Variants in RBFOX1 observed in about 807,000 individuals in gnomAD.
RBFOX1 encodes the protein RNA binding protein fox-1 homolog 1.
A neutral mutation model predicts 57.7 loss-of-function variants in RBFOX1; 8 were observed. The observed-to-expected ratio is 0.14, with a 90% confidence interval of 0.08 to 0.25. The LOEUF is 0.25. Among genes scored for constraint, RBFOX1 ranks in the 10% least tolerant of loss-of-function variants. The probability of loss-of-function intolerance (pLI) is 1.00; values close to 1 mark genes in which losing one functional copy is unlikely to be tolerated. For synonymous variants in RBFOX1, 326 were observed against 222.4 expected, an observed-to-expected ratio of 1.47 and a Z score of -4.15; for missense variants, 611 against 548.5, an observed-to-expected ratio of 1.11 and a Z score of -1.14.
At chr16:7,422,239 C>G (rs140111433) in intron 4 of RBFOX1, among the ~76,000 whole-genome samples, 19 of 152,100 alleles carry the variant, frequency 1.2e-4, no homozygotes, top group Non-Finnish European at 1.8e-4. Context: ...CTGTTAGGCA[C>G]GGCACTCAGA....
intron 2 of RBFOX1, among the ~76,000 whole-genome samples, chr16:6,444,296 G>T (rs2094442841): frequency 6.6e-6 from 1 of 152,008 alleles, no homozygotes; most frequent in East Asian, 1.9e-4. Flanking sequence ...GGACGCCCAA[G>T]GGCTCCAAAA....
intron 1 of RBFOX1, among the ~76,000 whole-genome samples, chr16:6,096,293 G>T (rs74004734): frequency 0.032 from 4,895 of 152,294 alleles, 253 homozygotes; most frequent in African/African-American, 0.11. Context: ...AAACGAAGAT[G>T]AAATTTTCAA....
intron 1 of RBFOX1, among the ~76,000 whole-genome samples, chr16:6,124,851 C>T (rs531062043): frequency 6.6e-6 from 1 of 152,084 alleles, no homozygotes. Context: ...TTAATACATC[C>T]AATTATTTTT....
chr16:6,197,861 C>G (rs981681216), intron 1 of RBFOX1, among the ~76,000 whole-genome samples: 1 of 152,010 alleles, frequency 6.6e-6, no homozygotes, highest in Non-Finnish European at 1.5e-5. Context: ...CATGAGTTTC[C>G]ATCATTTAGC....
At chr16:6,553,506 C>G (rs912494120) in intron 2 of RBFOX1, among the ~76,000 whole-genome samples, 2 of 152,202 alleles carry the variant, frequency 1.3e-5, no homozygotes, top group East Asian at 1.9e-4. Context: ...CCAATCCACA[C>G]AAGTACATGC....
chr16:7,328,980 G>T (rs985907136), intron 4 of RBFOX1, among the ~76,000 whole-genome samples: 1 of 152,106 alleles, frequency 6.6e-6, no homozygotes, highest in Non-Finnish European at 1.5e-5. Flanking sequence ...TTTAAAAAAA[G>T]AATAATATTT....
intron 4 of RBFOX1, among the ~76,000 whole-genome samples, chr16:7,338,986 C>A (rs763613332): frequency 6.6e-6 from 1 of 152,212 alleles, no homozygotes; most frequent in African/African-American, 2.4e-5. Context: ...GCTGCTCCAT[C>A]TTAGTCACTA....
chr16:5,419,808 A>G (rs538908452), intron 1 of RBFOX1, among the ~76,000 whole-genome samples: 6 of 152,124 alleles, frequency 3.9e-5, no homozygotes, highest in Admixed American at 2.6e-4. Flanking sequence ...GGAGGGGCTC[A>G]AAGTGCTGCT....
rs562111845 is a variant in RBFOX1, at chr16:7,222,099, T to C, written c.27+170001T>C. On this transcript the variant is annotated intron_variant, in intron 4 of 15. Coordinates refer to ENST00000550418, the MANE Select transcript of RBFOX1 (RefSeq NM_018723.4). ...TCTGTGTCACTGCTTCCAGCTGATA[T>C]TATAAAAGGCAGTGGTGAGGATTTC... is the stretch of plus-strand genomic sequence containing the variant. 5.9e-5 allele frequency among the ~76,000 whole-genome samples: 9 copies of C among 152,276 alleles called. No individual in the cohort carries two copies. In the South Asian group the frequency reaches 1.0e-3, roughly 18 times the overall value.
intron 3 of RBFOX1, among the ~76,000 whole-genome samples, chr16:5,789,564 A>G (rs1265393476): frequency 1.3e-5 from 2 of 152,244 alleles, no homozygotes; most frequent in African/African-American, 4.8e-5. Flanking sequence ...CATCACTAGT[A>G]CTGGCACTAG....
chr16:7,551,487 A>G (rs1350699023), intron 5 of RBFOX1, among the ~76,000 whole-genome samples: 1 of 152,210 alleles, frequency 6.6e-6, no homozygotes, highest in Admixed American at 6.5e-5. Flanking sequence ...CTGGAGAGAC[A>G]GTAGTGATCC....
At chr16:6,740,977 T>C (rs1440061565) in intron 3 of RBFOX1, among the ~76,000 whole-genome samples, 19 of 152,190 alleles carry the variant, frequency 1.2e-4, no homozygotes. Flanking sequence ...AGACGTTATG[T>C]AACTCCAGTC....
chr16:6,854,894 G>T (rs565854820), intron 3 of RBFOX1, among the ~76,000 whole-genome samples: 2 of 151,774 alleles, frequency 1.3e-5, no homozygotes, highest in South Asian at 4.2e-4. Context: ...GCGCCCAGCC[G>T]AGGTGAATAA....
At chr16:5,367,715 A>C (rs2065757342) in intron 1 of RBFOX1, among the ~76,000 whole-genome samples, 1 of 152,160 alleles carries the variant, frequency 6.6e-6, no homozygotes, top group Non-Finnish European at 1.5e-5. Flanking sequence ...CTGCGCTAAA[A>C]GGTAGAGGCC....
intron 10 of RBFOX1, among the ~76,000 whole-genome samples, chr16:7,624,802 C>G (rs926254980): frequency 3.3e-5 from 5 of 152,136 alleles, no homozygotes; most frequent in African/African-American, 1.2e-4. Flanking sequence ...GACTCTGCAC[C>G]ACCACACAGT....
At chr16:6,361,996 A>G (rs1568019149) in intron 2 of RBFOX1, among the ~76,000 whole-genome samples, 2 of 152,154 alleles carry the variant, frequency 1.3e-5, no homozygotes, top group Admixed American at 1.3e-4. Context: ...TGAGAAGAAA[A>G]CAAGCAAAGC....
chr16:5,727,622 T>A (rs1470993101), intron 3 of RBFOX1, among the ~76,000 whole-genome samples: 1 of 152,182 alleles, frequency 6.6e-6, no homozygotes, highest in East Asian at 1.9e-4. Flanking sequence ...TAGACCAATA[T>A]CTCCCCATTT....
At chr16:5,604,526 G>A (rs543673724), downstream of RBFOX1, among the ~76,000 whole-genome samples, 2 of 152,266 alleles carry the variant, frequency 1.3e-5, no homozygotes, top group African/African-American at 2.4e-5. Context: ...TGCTTTTCCC[G>A]GGAGTGTCTC....
chr16:6,651,794 G>T (rs968133655), intron 2 of RBFOX1, among the ~76,000 whole-genome samples: 6 of 152,188 alleles, frequency 3.9e-5, no homozygotes, highest in Non-Finnish European at 8.8e-5. Context: ...TAGCCGAAAG[G>T]TGGAAACAGC....
Sources: gnomAD v4.1 joint callset for allele counts (sites outside exome capture counted in the v4.1 genomes callset) on GRCh38, gnomAD v4.1.1 for gene constraint, MANE v1.5 for transcripts, NCBI Gene and HGNC (gene_info 2026-07-23, HGNC 2026-07-21) for gene names.